The following KCND2 variants were observed in gnomAD, a reference collection of about 807,000 sequenced individuals.
The protein encoded by KCND2 is A-type voltage-gated potassium channel KCND2.
A neutral mutation model predicts 54.4 loss-of-function variants in KCND2; 16 were observed. The ratio of observed to expected loss-of-function variants is 0.29; its 90% CI spans 0.20 to 0.45. The LOEUF (loss-of-function observed/expected upper bound fraction) is 0.45, where lower values mean the gene tolerates loss of function less well. Ranked by LOEUF, KCND2 falls within the 20% of genes least tolerant of loss-of-function variation. KCND2 has a pLI of 1.00. For missense variants in KCND2, 486 were observed against 824.2 expected (o/e 0.59, Z 5.02); for synonymous variants, 317 against 310.7 (o/e 1.02, Z -0.21).
intron 1 of KCND2, among the ~76,000 whole-genome samples, chr7:120,435,627 G>A (rs1213494955): frequency 2.0e-5 from 3 of 151,704 alleles, no homozygotes; most frequent in African/African-American, 7.3e-5. Context: ...ATACAATTCA[G>A]AATCAATCAA....
At chr7:120,385,364 C>T (rs957779690) in intron 1 of KCND2, among the ~76,000 whole-genome samples, 3 of 151,900 alleles carry the variant, frequency 2.0e-5, no homozygotes, top group Admixed American at 1.3e-4. Context: ...GCATAAATTC[C>T]TTATATGTCT....
At chr7:120,668,361 C>T (rs1472871625) in intron 1 of KCND2, among the ~76,000 whole-genome samples, 1 of 151,966 alleles carries the variant, frequency 6.6e-6, no homozygotes, top group African/African-American at 2.4e-5. Flanking sequence ...GCTGAGAATA[C>T]CTCTTTTGCC....
At position 120,371,257 on chromosome 7, in the gene KCND2, G is replaced by A. The variant is rs141345064; in HGVS notation, c.1115+95510G>A. Among the ~76,000 whole-genome samples the A allele has an allele frequency of 1.2e-3, 176 of 152,100 alleles. 2 individuals are homozygous for A. Among genetic ancestry groups the A allele is most frequent in the East Asian group, 4.7e-3 (24 of 5,160 alleles). Reference sequence around the variant, plus strand: ...GTCCCACAGACAGGCCCCACAGAGAGGGAAATGAAATAATTTCTGAGTAGA... The same window carrying A: ...GTCCCACAGACAGGCCCCACAGAGAAGGAAATGAAATAATTTCTGAGTAGA... On this transcript the variant is annotated intron_variant, in intron 1 of 5. Transcript: ENST00000331113.
chr7:120,512,468 C>A (rs977800687), intron 1 of KCND2, among the ~76,000 whole-genome samples: 2 of 151,534 alleles, frequency 1.3e-5, no homozygotes, highest in African/African-American at 4.8e-5. Context: ...ATCACATCAA[C>A]TTCTCCTAAC....
intron 1 of KCND2, among the ~76,000 whole-genome samples, chr7:120,628,826 TC>T (rs1793192638): frequency 6.6e-6 from 1 of 152,098 alleles, no homozygotes; most frequent in African/African-American, 2.4e-5. Context: ...CTCCACACCA[TC>T]CCTTCATGCA....
At chr7:120,712,173 A>G (rs1228026585) in intron 1 of KCND2, among the ~76,000 whole-genome samples, 1 of 114,344 alleles carries the variant, frequency 8.7e-6, no homozygotes, top group African/African-American at 3.3e-5. Context: ...TCTTACATGT[A>G]TCTGAAGAGT....
intron 1 of KCND2, among the ~76,000 whole-genome samples, chr7:120,381,572 G>A (rs1271641573): frequency 6.6e-6 from 1 of 151,912 alleles, no homozygotes; most frequent in Non-Finnish European, 1.5e-5. Flanking sequence ...GCATTACATG[G>A]ACAAATAAAA....
intron 1 of KCND2, among the ~76,000 whole-genome samples, chr7:120,506,684 C>G (rs1049972189): frequency 1.3e-5 from 2 of 151,838 alleles, no homozygotes; most frequent in African/African-American, 4.8e-5. Flanking sequence ...AGAAAGTGAA[C>G]AATTCCCTAA....
At position 120,346,098 on chromosome 7, in the gene KCND2, A is replaced by G. The variant is rs1408441871; in HGVS notation, c.1115+70351A>G. ...ATGCATTTTCCTAATAATTAGTGAT[A>G]TTGAACATCTTTTCATATGCTTCTT... On this transcript the variant is annotated intron_variant, in intron 1 of 5. Coordinates refer to ENST00000331113, the MANE Select transcript of KCND2 (RefSeq NM_012281.3). Among the ~76,000 whole-genome samples, 3 of 152,190 alleles carry G rather than the reference A, an allele frequency of 2.0e-5. No individual in the cohort carries two copies. The East Asian group carries it at 5.8e-4, about 29-fold the overall frequency.
At chr7:120,367,430 A>G (rs1412339648) in intron 1 of KCND2, among the ~76,000 whole-genome samples, 1 of 152,058 alleles carries the variant, frequency 6.6e-6, no homozygotes, top group African/African-American at 2.4e-5. Context: ...AATTTTGAGA[A>G]CAGTATTCCT....
intron 1 of KCND2, among the ~76,000 whole-genome samples, chr7:120,327,489 G>A (rs1345125721): frequency 6.6e-6 from 1 of 152,046 alleles, no homozygotes; most frequent in Non-Finnish European, 1.5e-5. Flanking sequence ...GTAAATAGGA[G>A]TATTCATTAT....
chr7:120,303,354 A>G (rs1799611645), intron 1 of KCND2, among the ~76,000 whole-genome samples: 1 of 152,212 alleles, frequency 6.6e-6, no homozygotes, highest in Admixed American at 6.5e-5. Context: ...CTTTGGCCAT[A>G]GAAGTACAGA....
At chr7:120,564,985 C>G (rs1178626033) in intron 1 of KCND2, among the ~76,000 whole-genome samples, 1 of 152,092 alleles carries the variant, frequency 6.6e-6, no homozygotes, top group Non-Finnish European at 1.5e-5. Context: ...TTTGTAGATA[C>G]TTGTAATGTA....
chr7:120,423,505 A>T (rs1042954587), intron 1 of KCND2, among the ~76,000 whole-genome samples: 2 of 152,234 alleles, frequency 1.3e-5, no homozygotes, highest in African/African-American at 4.8e-5. Context: ...CCCTCTTAAA[A>T]TCAAGACGCA....
At chr7:120,477,638 G>A (rs1227755484) in intron 1 of KCND2, among the ~76,000 whole-genome samples, 3 of 151,346 alleles carry the variant, frequency 2.0e-5, no homozygotes. Flanking sequence ...ATATTAATTG[G>A]ATGAAAAAAA....
At chr7:120,690,523 G>C (rs1792255607) in intron 1 of KCND2, among the ~76,000 whole-genome samples, 1 of 152,160 alleles carries the variant, frequency 6.6e-6, no homozygotes, top group Admixed American at 6.6e-5. Flanking sequence ...ACACCATCCA[G>C]TGACATACCC....
intron 1 of KCND2, among the ~76,000 whole-genome samples, chr7:120,276,259 T>A (rs999449332): frequency 1.3e-5 from 2 of 152,196 alleles, no homozygotes; most frequent in African/African-American, 4.8e-5. Flanking sequence ...ATTGTAGATG[T>A]AATTATCAAA....
chr7:120,319,411 A>G (rs528633473), intron 1 of KCND2, among the ~76,000 whole-genome samples: 2 of 152,242 alleles, frequency 1.3e-5, no homozygotes, highest in South Asian at 2.1e-4. Context: ...TATACTTTCT[A>G]TATTAGAATA....
At chr7:120,452,586 G>A (rs527319014) in intron 1 of KCND2, among the ~76,000 whole-genome samples, 1 of 152,228 alleles carries the variant, frequency 6.6e-6, no homozygotes, top group South Asian at 2.1e-4. Context: ...GCAACTCCTG[G>A]GGAAGAAGTG....
Sources: gnomAD v4.1 joint callset for allele counts (sites outside exome capture counted in the v4.1 genomes callset) on GRCh38, gnomAD v4.1.1 for gene constraint, MANE v1.5 for transcripts, NCBI Gene and HGNC (gene_info 2026-07-23, HGNC 2026-07-21) for gene names.